HSD11B1: variants seen among roughly 807,000 people sequenced by gnomAD.
The protein encoded by HSD11B1 is hydroxysteroid 11-beta dehydrogenase 1.
Under a neutral mutation model 22.1 loss-of-function variants are expected in HSD11B1, and 15 were observed. That is an observed-to-expected ratio of 0.68 (90% CI 0.45 to 1.04). The LOEUF (loss-of-function observed/expected upper bound fraction) is 1.04, where lower values mean the gene tolerates loss of function less well. Ranked by LOEUF, HSD11B1 falls within the 50% of genes least tolerant of loss-of-function variation. HSD11B1 has a pLI of 0.00. For missense variants in HSD11B1, 281 were observed against 357.6 expected, an observed-to-expected ratio of 0.79 and a Z score of 1.73; for synonymous variants, 122 against 125.2, an observed-to-expected ratio of 0.97 and a Z score of 0.17.
At chr1:209,720,356 C>T (rs898029091) in intron 4 of HSD11B1, among the ~76,000 whole-genome samples, 2 of 151,988 alleles carry the variant, frequency 1.3e-5, no homozygotes, top group Non-Finnish European at 2.9e-5. Flanking sequence ...GAGGAAACAC[C>T]GGATAAATCC....
At position 209,734,499 on chromosome 1, in the gene HSD11B1, T is replaced by C. The variant is rs1461884173; in HGVS notation, c.857T>C (p.Met286Thr). ...LEFLYSTSYN[M>T]DRFINK ...TTTCTCTACTCAACGAGCTATAATA[T>C]GGACAGATTCATAAACAAGTAGGAA... Residue 286 changes from methionine to threonine, a missense_variant, in exon 6 of 6, where the codon ATG becomes ACG. Transcript: ENST00000367027. 1 of 1,613,804 alleles carries C rather than the reference T, an allele frequency of 6.2e-7. No homozygotes were observed. Among genetic ancestry groups the C allele is most frequent in the Admixed American group, 1.7e-5 (1 of 60,008 alleles).
At chr1:209,726,206 G>A (rs546057640) in intron 4 of HSD11B1, among the ~76,000 whole-genome samples, 19 of 136,934 alleles carry the variant, frequency 1.4e-4, no homozygotes, top group Middle Eastern at 4.7e-3. Flanking sequence ...ACTTGAACCC[G>A]GGAGGCGTAG....
chr1:209,700,104 G>T (rs1045629771), upstream of HSD11B1, among the ~76,000 whole-genome samples: 3 of 152,176 alleles, frequency 2.0e-5, no homozygotes, highest in Non-Finnish European at 4.4e-5. Flanking sequence ...CCATTCTGGG[G>T]TCTGGAGGAC....
chr1:209,697,882 TC>T (rs2076800276), intron 1 of HSD11B1, among the ~76,000 whole-genome samples: 3 of 127,888 alleles, frequency 2.3e-5, no homozygotes, highest in African/African-American at 8.5e-5. Context: ...TTTTGTTTTT[TC>T]CTTTTTTTTT....
intron 1 of HSD11B1, among the ~76,000 whole-genome samples, chr1:209,693,014 A>G (rs2076770359): frequency 6.6e-6 from 1 of 152,186 alleles, no homozygotes; most frequent in South Asian, 2.1e-4. Context: ...CAGTTAACCC[A>G]TAAATCCCTC....
chr1:209,686,887 T>C (rs1367070333), intron 1 of HSD11B1, among the ~76,000 whole-genome samples: 4 of 152,220 alleles, frequency 2.6e-5, no homozygotes, highest in Non-Finnish European at 4.4e-5. Flanking sequence ...CCATCAAAAT[T>C]CTTCATGTGC....
intron 4 of HSD11B1, among the ~76,000 whole-genome samples, chr1:209,714,935 G>A (rs2076921029): frequency 6.6e-6 from 1 of 152,130 alleles, no homozygotes; most frequent in Non-Finnish European, 1.5e-5. Context: ...GGGCCAAGGA[G>A]GCTCTTCATG....
chr1:209,726,272 T>C (rs1571885497), intron 4 of HSD11B1, among the ~76,000 whole-genome samples: 2 of 52,196 alleles, frequency 3.8e-5, no homozygotes, highest in Non-Finnish European at 6.6e-5. Context: ...AGAATGAGAC[T>C]CCGTAAAAAA....
chr1:209,699,011 TA>T (rs2076810086), intron 1 of HSD11B1, among the ~76,000 whole-genome samples: 1 of 152,022 alleles, frequency 6.6e-6, no homozygotes, highest in African/African-American at 2.4e-5. Context: ...TTCCGTTAGC[TA>T]AAAAATAGAA....
upstream of HSD11B1, among the ~76,000 whole-genome samples, chr1:209,701,587 AAC>A (rs938903627): frequency 4.6e-5 from 7 of 152,210 alleles, no homozygotes; most frequent in Admixed American, 4.6e-4. Context: ...AGAACCTCTG[AAC>A]ACAGTGTTTA....
chr1:209,717,499 C>CA (rs1345838729), intron 4 of HSD11B1, among the ~76,000 whole-genome samples: 1 of 151,984 alleles, frequency 6.6e-6, no homozygotes, highest in Non-Finnish European at 1.5e-5. Flanking sequence ...GGAGATTTCT[C>CA]AAAAAACTAA....
chr1:209,702,220 T>C (rs962849761), upstream of HSD11B1, among the ~76,000 whole-genome samples: 1 of 152,246 alleles, frequency 6.6e-6, no homozygotes, highest in Non-Finnish European at 1.5e-5. Context: ...GGGGATGGGA[T>C]TGATCTGTTC....
chr1:209,709,014 A>G (rs1222879585), intron 4 of HSD11B1, among the ~76,000 whole-genome samples: 1 of 152,220 alleles, frequency 6.6e-6, no homozygotes, highest in South Asian at 2.1e-4. Flanking sequence ...GCAACTGAAG[A>G]ATATTCTCTG....
chr1:209,723,326 G>A (rs558788795), intron 4 of HSD11B1, among the ~76,000 whole-genome samples: 2 of 152,164 alleles, frequency 1.3e-5, no homozygotes, highest in East Asian at 3.9e-4. Flanking sequence ...TATTAGAACA[G>A]TATATTTATT....
chr1:209,687,682 A>G (rs2076736350), intron 1 of HSD11B1, among the ~76,000 whole-genome samples: 1 of 152,190 alleles, frequency 6.6e-6, no homozygotes, highest in African/African-American at 2.4e-5. Flanking sequence ...GGAGCCTTTT[A>G]AGAAATCATG....
intron 5 of HSD11B1, among the ~76,000 whole-genome samples, chr1:209,733,749 C>G (rs927464204): frequency 3.3e-5 from 5 of 151,570 alleles, no homozygotes; most frequent in Non-Finnish European, 5.9e-5. Context: ...AGAGAGAGAC[C>G]GAGACCCAGG....
At chr1:209,690,961 G>A (rs1160517916) in intron 1 of HSD11B1, among the ~76,000 whole-genome samples, 1 of 152,102 alleles carries the variant, frequency 6.6e-6, no homozygotes, top group Non-Finnish European at 1.5e-5. Flanking sequence ...TCCATATTCA[G>A]TGGACCCAGT....
At chr1:209,695,113 G>T (rs1260395879) in intron 1 of HSD11B1, among the ~76,000 whole-genome samples, 1 of 152,190 alleles carries the variant, frequency 6.6e-6, no homozygotes, top group Non-Finnish European at 1.5e-5. Context: ...CCTTTGCTCT[G>T]TCTCTCTCCT....
Position 209,704,938 on chromosome 1 carries a change from G to T in HSD11B1, c.-5G>T, listed in dbSNP as rs1191291739. On this transcript the variant is annotated 5_prime_UTR_variant, in exon 1 of 6. Transcript: ENST00000367027. Reference sequence around the variant, plus strand: ...ACAGGAGTCTTCAGGCCAGCTCCCTGTCGGATGGCTTTTATGAAAAAATAT... The same window carrying T: ...ACAGGAGTCTTCAGGCCAGCTCCCTTTCGGATGGCTTTTATGAAAAAATAT... The T allele has an allele frequency of 1.2e-6, 2 of 1,612,922 alleles. No homozygotes were observed. The highest frequency in any genetic ancestry group is 1.1e-5 in the South Asian group (1 of 91,064).
Sources: gnomAD v4.1 joint callset for allele counts (sites outside exome capture counted in the v4.1 genomes callset) on GRCh38, gnomAD v4.1.1 for gene constraint, MANE v1.5 for transcripts, NCBI Gene and HGNC (gene_info 2026-07-23, HGNC 2026-07-21) for gene names.